HDAC9: variants seen among roughly 807,000 people sequenced by gnomAD.
The protein encoded by HDAC9 is histone deacetylase 9, also known as MEF-2 interacting transcription repressor (MITR) protein.
In HDAC9, 41 loss-of-function variants were observed where a neutral mutation model predicts 139.4. The observed-to-expected ratio is 0.29, with a 90% CI of 0.23 to 0.38. The LOEUF (loss-of-function observed/expected upper bound fraction) is 0.38, where lower values mean the gene tolerates loss of function less well. HDAC9 is among the 10% of genes least tolerant of loss of function. The pLI is 1.00. For synonymous variants in HDAC9, 517 were observed against 476.2 expected (o/e 1.09, Z -1.12); for missense variants, 1,147 against 1,297.0 (o/e 0.88, Z 1.78).
At chr7:18,916,421 A>C (rs758837404) in intron 22 of HDAC9, among the ~76,000 whole-genome samples, 8 of 151,360 alleles carry the variant, frequency 5.3e-5, no homozygotes, top group Non-Finnish European at 1.2e-4. Context: ...GTTTTGCTCA[A>C]AATAATACAG....
chr7:18,646,751 A>G (rs914016160), intron 9 of HDAC9, among the ~76,000 whole-genome samples: 3 of 152,134 alleles, frequency 2.0e-5, no homozygotes, highest in Admixed American at 2.0e-4. Flanking sequence ...TGCTTTTGTA[A>G]TAGCAAAATG....
intron 1 of HDAC9, among the ~76,000 whole-genome samples, chr7:18,469,505 A>G (rs1308898943): frequency 6.6e-6 from 1 of 152,198 alleles, no homozygotes; most frequent in Admixed American, 6.5e-5. Flanking sequence ...AAATGGTGAC[A>G]CATCTAACAG....
chr7:18,156,795 T>C (rs1466369919), intron 1 of HDAC9, among the ~76,000 whole-genome samples: 1 of 152,204 alleles, frequency 6.6e-6, no homozygotes, highest in East Asian at 1.9e-4. Flanking sequence ...CTTGGAGTGG[T>C]TGGCTAAGAA....
intron 22 of HDAC9, among the ~76,000 whole-genome samples, chr7:18,889,089 A>G (rs141254640): frequency 2.2e-3 from 330 of 152,242 alleles, no homozygotes; most frequent in African/African-American, 7.6e-3. Context: ...CGTGATGTCT[A>G]TGTACTCTCT....
chr7:18,398,108 C>T (rs73307437), intron 1 of HDAC9, among the ~76,000 whole-genome samples: 8,723 of 152,252 alleles, frequency 0.057, 246 homozygotes, highest in Middle Eastern at 0.078. Context: ...GTGTTATGAT[C>T]CATTTCTAAA....
At chr7:18,200,088 C>T (rs898639813) in intron 2 of HDAC9, among the ~76,000 whole-genome samples, 1 of 152,246 alleles carries the variant, frequency 6.6e-6, no homozygotes, top group East Asian at 1.9e-4. Flanking sequence ...ACATTTTGTA[C>T]CTGGATACAC....
At chr7:18,610,351 C>G (rs911984613) in intron 6 of HDAC9, among the ~76,000 whole-genome samples, 2 of 152,158 alleles carry the variant, frequency 1.3e-5, no homozygotes, top group Non-Finnish European at 2.9e-5. Flanking sequence ...GAGTTCCAGT[C>G]TTGCCTCTTC....
chr7:18,287,246 A>C (rs556140840), upstream of HDAC9, among the ~76,000 whole-genome samples: 1 of 152,272 alleles, frequency 6.6e-6, no homozygotes, highest in East Asian at 1.9e-4. Flanking sequence ...TATTTTAGAA[A>C]AATTAGAAAA....
chr7:18,691,651 G>T (rs1782682600), intron 12 of HDAC9, among the ~76,000 whole-genome samples: 1 of 151,962 alleles, frequency 6.6e-6, no homozygotes, highest in South Asian at 2.1e-4. Flanking sequence ...ATTTATCTTT[G>T]ATTAATTTTA....
At chr7:18,916,538 C>A (rs1803227431) in intron 22 of HDAC9, among the ~76,000 whole-genome samples, 1 of 151,546 alleles carries the variant, frequency 6.6e-6, no homozygotes, top group African/African-American at 2.4e-5. Context: ...CAGGTAGAAG[C>A]TACTGGGCTT....
At chr7:18,542,441 G>A (rs188128589) in intron 2 of HDAC9, among the ~76,000 whole-genome samples, 1 of 152,206 alleles carries the variant, frequency 6.6e-6, no homozygotes, top group East Asian at 1.9e-4. Context: ...CTGGCACATA[G>A]GATGCCTAAG....
At chr7:18,435,059 C>CAAAAAAAAAAAAAAAAAAAAA (rs376786180) in intron 1 of HDAC9, among the ~76,000 whole-genome samples, 19 of 67,800 alleles carry the variant, frequency 2.8e-4, no homozygotes, top group Non-Finnish European at 3.4e-4. Flanking sequence ...ACTACACAGC[C>CAAAAAAAAAAAAAAAAAAAAA]AAAAAAAAAA....
At position 18,597,019 on chromosome 7, in the gene HDAC9, C is replaced by T. The variant is rs140760437; in HGVS notation, c.664+2990C>T. Among the ~76,000 whole-genome samples the T allele has an allele frequency of 4.1e-4, 62 of 152,172 alleles. 2 individuals carry two copies. The East Asian group carries it at 0.01, about 25-fold the overall frequency. ...GGACCTTCCCCAGACAGTGATAACC[C>T]GGGAACAGTTAACTACAGAAACCTC... On this transcript the variant is annotated intron_variant, in intron 6 of 25. Coordinates refer to ENST00000686413, the MANE Select transcript of HDAC9 (RefSeq NM_178425.4).
At chr7:18,794,233 G>A (rs1047461336) in intron 17 of HDAC9, among the ~76,000 whole-genome samples, 4 of 152,180 alleles carry the variant, frequency 2.6e-5, no homozygotes, top group Admixed American at 6.6e-5. Context: ...AATCTGGGTC[G>A]TGATTGATTC....
intron 2 of HDAC9, among the ~76,000 whole-genome samples, chr7:18,232,929 G>A (rs1475902416): frequency 6.6e-6 from 1 of 152,064 alleles, no homozygotes; most frequent in African/African-American, 2.4e-5. Context: ...TAATTTATGA[G>A]CATAGGTTCA....
chr7:18,680,473 T>C, intron 12 of HDAC9, among the ~76,000 whole-genome samples: 1 of 152,052 alleles, frequency 6.6e-6, no homozygotes. Context: ...GGCAGAGGTG[T>C]TTCTTTTTCA....
At chr7:18,528,378 T>C (rs773832452) in intron 2 of HDAC9, among the ~76,000 whole-genome samples, 25 of 151,164 alleles carry the variant, frequency 1.7e-4, no homozygotes, top group Non-Finnish European at 3.1e-4. Context: ...TTTATATAAG[T>C]GAAAACAGAA....
At chr7:18,824,084 G>GAAT (rs1437608130) in intron 17 of HDAC9, among the ~76,000 whole-genome samples, 1 of 144,268 alleles carries the variant, frequency 6.9e-6, no homozygotes, top group African/African-American at 2.8e-5. Flanking sequence ...AGAAGAAGAA[G>GAAT]AAGAACAAGA....
chr7:18,506,685 A>G (rs955296110), intron 2 of HDAC9, among the ~76,000 whole-genome samples: 2 of 152,196 alleles, frequency 1.3e-5, no homozygotes, highest in African/African-American at 4.8e-5. Flanking sequence ...AAAGGCAAGT[A>G]TACATCATGA....
Sources: allele counts gnomAD v4.1 joint callset (sites outside exome capture counted in the v4.1 genomes callset), GRCh38; gene constraint gnomAD v4.1.1; transcripts MANE v1.5; gene names NCBI Gene and HGNC (gene_info 2026-07-23, HGNC 2026-07-21).